Variants in LOC400499 observed in about 807,000 individuals in gnomAD.
the LOC400499 span, among the ~76,000 whole-genome samples, chr16:11,457,591 CAAA>C: frequency 9.3e-5 from 9 of 97,074 alleles, no homozygotes; most frequent in Non-Finnish European, 1.0e-4. Flanking sequence ...GACTCCATCT[CAAA>C]AAAAAAAAAA....
chr16:11,462,488 G>C, the LOC400499 span: 1 of 962,040 alleles, frequency 1.0e-6, no homozygotes. Flanking sequence ...GGAGTGCAGT[G>C]GTGGAATCCT....
the LOC400499 span, among the ~76,000 whole-genome samples, chr16:11,461,469 C>T: frequency 1.3e-5 from 2 of 152,302 alleles, no homozygotes; most frequent in African/African-American, 2.4e-5. Flanking sequence ...AATCCTCCTG[C>T]GTTAGCTTCC....
the LOC400499 span, among the ~76,000 whole-genome samples, chr16:11,490,823 C>G: frequency 3.3e-5 from 5 of 152,326 alleles, no homozygotes; most frequent in East Asian, 9.6e-4. Context: ...TGATGTAATA[C>G]ACAGGAGAAC....
the LOC400499 span, among the ~76,000 whole-genome samples, chr16:11,447,665 G>T: frequency 6.6e-6 from 1 of 151,970 alleles, no homozygotes; most frequent in Non-Finnish European, 1.5e-5. Flanking sequence ...CTCGTCTCTG[G>T]GAAATGAGAA....
the LOC400499 span, chr16:11,523,419 C>T: frequency 2.5e-6 from 1 of 398,648 alleles, no homozygotes; most frequent in African/African-American, 2.1e-5. Context: ...GAATCACTCA[C>T]CTGTGCACGC....
chr16:11,388,781 C>T, the LOC400499 span, among the ~76,000 whole-genome samples: 1 of 152,192 alleles, frequency 6.6e-6, no homozygotes, highest in African/African-American at 2.4e-5. Context: ...GCATTCTGCT[C>T]CAGCCCTGCT....
chr16:11,481,981 T>C, the LOC400499 span, among the ~76,000 whole-genome samples: 1 of 152,084 alleles, frequency 6.6e-6, no homozygotes, highest in Non-Finnish European at 1.5e-5. Context: ...GAATTTCATC[T>C]CTTAAAAAAA....
At chr16:11,388,577 C>G in the LOC400499 span, among the ~76,000 whole-genome samples, 3 of 152,148 alleles carry the variant, frequency 2.0e-5, no homozygotes, top group African/African-American at 7.2e-5. Flanking sequence ...GTCCCCAGGT[C>G]TCTGCTCTAA....
At chr16:11,397,955 T>C in the LOC400499 span, among the ~76,000 whole-genome samples, 2 of 151,950 alleles carry the variant, frequency 1.3e-5, no homozygotes, top group Non-Finnish European at 2.9e-5. Context: ...GGTTGGTGGA[T>C]GGAAGAACCA....
chr16:11,492,727 G>A, the LOC400499 span, among the ~76,000 whole-genome samples: 1 of 151,792 alleles, frequency 6.6e-6, no homozygotes, highest in Non-Finnish European at 1.5e-5. Flanking sequence ...AGAGCTTGCA[G>A]TGAGCGGAGA....
At chr16:11,524,360 A>ACCCACCCACCCTCTCCT in the LOC400499 span, among the ~76,000 whole-genome samples, 1 of 58,626 alleles carries the variant, frequency 1.7e-5, no homozygotes, top group African/African-American at 1.3e-4. Context: ...CCATCCACCC[A>ACCCACCCACCCTCTCCT]GCCACCCACC....
chr16:11,490,072 G>A, the LOC400499 span, among the ~76,000 whole-genome samples: 1 of 152,156 alleles, frequency 6.6e-6, no homozygotes, highest in Non-Finnish European at 1.5e-5. Context: ...ATAGATGAGA[G>A]ACAAGCTCCT....
the LOC400499 span, among the ~76,000 whole-genome samples, chr16:11,407,888 G>T: frequency 6.6e-6 from 1 of 152,078 alleles, no homozygotes; most frequent in Admixed American, 6.6e-5. Context: ...AATCACTGCG[G>T]GGGAACTTAT....
At chr16:11,421,162 C>T in the LOC400499 span, among the ~76,000 whole-genome samples, 2 of 152,192 alleles carry the variant, frequency 1.3e-5, no homozygotes, top group Non-Finnish European at 2.9e-5. Context: ...CTCAGTGTGA[C>T]AGCAGAGAGG....
At chr16:11,405,449 C>T in the LOC400499 span, among the ~76,000 whole-genome samples, 1 of 152,116 alleles carries the variant, frequency 6.6e-6, no homozygotes. Flanking sequence ...CAAGGATGGT[C>T]ACAAGAGACA....
chr16:11,497,532 G>C, the LOC400499 span, among the ~76,000 whole-genome samples: 3 of 152,314 alleles, frequency 2.0e-5, no homozygotes, highest in Non-Finnish European at 2.9e-5. Context: ...GGGCAGGCTC[G>C]GGCCTGTCCC....
chr16:11,404,494 C>A, the LOC400499 span, among the ~76,000 whole-genome samples: 3 of 152,160 alleles, frequency 2.0e-5, no homozygotes, highest in East Asian at 5.8e-4. Flanking sequence ...TTGTAGGTGC[C>A]TGCCACCATG....
At chr16:11,467,526 C>T in the LOC400499 span, among the ~76,000 whole-genome samples, 346 of 152,036 alleles carry the variant, frequency 2.3e-3, 4 homozygotes, top group African/African-American at 7.9e-3. Flanking sequence ...GTGGGAGGAT[C>T]GCTGGAGACC....
chr16:11,411,307 C>T, the LOC400499 span: 6 of 399,424 alleles, frequency 1.5e-5, no homozygotes, highest in Admixed American at 2.6e-4. Context: ...GCGATGCCGG[C>T]CTGAGAACAG....
Sources: allele counts gnomAD v4.1 joint callset (sites outside exome capture counted in the v4.1 genomes callset), GRCh38; gene constraint gnomAD v4.1.1; transcripts MANE v1.5.